The following GRIK4 variants were observed in gnomAD, a reference collection of about 807,000 sequenced individuals.
GRIK4 encodes glutamate ionotropic receptor kainate type subunit 4, also known as glutamate receptor ionotropic, kainate 4.
GRIK4 carries 40 observed loss-of-function variants against 104.9 expected under a neutral mutation model. That is an observed-to-expected ratio of 0.38 (90% CI 0.30 to 0.50). The LOEUF (loss-of-function observed/expected upper bound fraction) is 0.50. GRIK4 is among the 20% of genes least tolerant of loss of function. The pLI is 0.93. For missense variants in GRIK4, 1,047 were observed against 1,308.1 expected (o/e 0.80, Z 3.08); for synonymous variants, 485 against 524.9 (o/e 0.92, Z 1.04).
At chr11:120,926,511 G>A (rs1943348960) in intron 13 of GRIK4, among the ~76,000 whole-genome samples, 1 of 152,142 alleles carries the variant, frequency 6.6e-6, no homozygotes, top group Admixed American at 6.5e-5. Flanking sequence ...TCCAGATGAG[G>A]AAACTGAGGT....
At chr11:120,551,857 A>C (rs1278463656) in intron 1 of GRIK4, among the ~76,000 whole-genome samples, 4 of 152,158 alleles carry the variant, frequency 2.6e-5, no homozygotes, top group Non-Finnish European at 5.9e-5. Flanking sequence ...TCTCCATAAA[A>C]GGCCCAGGAG....
intron 3 of GRIK4, among the ~76,000 whole-genome samples, chr11:120,668,825 T>C (rs1246812557): frequency 6.6e-6 from 1 of 152,246 alleles, no homozygotes; most frequent in Non-Finnish European, 1.5e-5. Context: ...ACATAATTTC[T>C]CAGTGTCTCC....
intron 1 of GRIK4, among the ~76,000 whole-genome samples, chr11:120,647,191 C>G (rs145534100): frequency 1.3e-5 from 2 of 152,308 alleles, no homozygotes; most frequent in East Asian, 3.9e-4. Context: ...TACGCTCCTA[C>G]CCAACGCATA....
intron 11 of GRIK4, among the ~76,000 whole-genome samples, chr11:120,893,571 G>C (rs1942478268): frequency 6.6e-6 from 1 of 152,198 alleles, no homozygotes; most frequent in Non-Finnish European, 1.5e-5. Flanking sequence ...GTGGGAATGG[G>C]ATTAGTATGC....
intron 1 of GRIK4, among the ~76,000 whole-genome samples, chr11:120,546,726 A>G (rs918511819): frequency 2.0e-5 from 3 of 151,948 alleles, no homozygotes; most frequent in Non-Finnish European, 2.9e-5. Flanking sequence ...GTTATTTAGT[A>G]TGTCACTCCC....
intron 1 of GRIK4, among the ~76,000 whole-genome samples, chr11:120,578,319 C>T (rs1591708825): frequency 6.6e-6 from 1 of 152,126 alleles, no homozygotes; most frequent in African/African-American, 2.4e-5. Context: ...GTTACAACAG[C>T]AGTGGGATCC....
chr11:120,773,145 A>T (rs1951978639), intron 3 of GRIK4, among the ~76,000 whole-genome samples: 1 of 152,208 alleles, frequency 6.6e-6, no homozygotes, highest in Non-Finnish European at 1.5e-5. Flanking sequence ...AAACTGGGAC[A>T]TAGAGATTAG....
At chr11:120,740,123 C>T (rs1435969589) in intron 3 of GRIK4, among the ~76,000 whole-genome samples, 1 of 152,208 alleles carries the variant, frequency 6.6e-6, no homozygotes, top group Admixed American at 6.5e-5. Context: ...AGATGTTTGG[C>T]ATCACATAGG....
At chr11:120,554,333 T>C (rs1948167526) in intron 1 of GRIK4, among the ~76,000 whole-genome samples, 3 of 152,352 alleles carry the variant, frequency 2.0e-5, no homozygotes, top group East Asian at 1.9e-4. Context: ...TGAAAGCCCA[T>C]GCAGCATCTC....
At chr11:120,572,353 C>T (rs985029881) in intron 1 of GRIK4, among the ~76,000 whole-genome samples, 2 of 152,202 alleles carry the variant, frequency 1.3e-5, no homozygotes, top group African/African-American at 4.8e-5. Flanking sequence ...TGCCTGGTAG[C>T]GCTTGCCCAG....
At chr11:120,941,987 T>G (rs1207120931) in intron 14 of GRIK4, among the ~76,000 whole-genome samples, 1 of 152,242 alleles carries the variant, frequency 6.6e-6, no homozygotes, top group East Asian at 1.9e-4. Context: ...TTTAAAAACA[T>G]GGGCAAGGCC....
chr11:120,908,329 G>C (rs1189394735), intron 13 of GRIK4, among the ~76,000 whole-genome samples: 1 of 152,154 alleles, frequency 6.6e-6, no homozygotes, highest in Non-Finnish European at 1.5e-5. Flanking sequence ...TACTAGCTGT[G>C]TGTGCTTAAA....
chr11:120,949,099 T>C (rs960564655), intron 14 of GRIK4, among the ~76,000 whole-genome samples: 2 of 152,214 alleles, frequency 1.3e-5, no homozygotes, highest in Admixed American at 6.5e-5. Context: ...CTTCCGAGAA[T>C]GTCATTTCTT....
intron 12 of GRIK4, among the ~76,000 whole-genome samples, chr11:120,904,065 G>A (rs1026704838): frequency 6.6e-6 from 1 of 152,038 alleles, no homozygotes; most frequent in African/African-American, 2.4e-5. Flanking sequence ...CACTCTCTAA[G>A]ACCAGGTTCT....
chr11:120,954,751 A>G (rs1944094822), intron 15 of GRIK4, among the ~76,000 whole-genome samples: 1 of 148,806 alleles, frequency 6.7e-6, no homozygotes, highest in South Asian at 2.3e-4. Context: ...AAATGTGCTA[A>G]AGGGCTAACC....
At chr11:120,971,193 G>A (rs1457741584) in intron 19 of GRIK4, among the ~76,000 whole-genome samples, 1 of 152,142 alleles carries the variant, frequency 6.6e-6, no homozygotes, top group African/African-American at 2.4e-5. Flanking sequence ...TAAGGCTGAA[G>A]GGCTCTTCAA....
chr11:120,537,044 G>A (rs1216634404), intron 1 of GRIK4, among the ~76,000 whole-genome samples: 4 of 152,198 alleles, frequency 2.6e-5, no homozygotes, highest in Non-Finnish European at 5.9e-5. Context: ...CGTTGATAAA[G>A]TCCACAGTTC....
At chr11:120,713,124 C>G (rs1400882062) in intron 3 of GRIK4, among the ~76,000 whole-genome samples, 1 of 152,156 alleles carries the variant, frequency 6.6e-6, no homozygotes, top group East Asian at 1.9e-4. Context: ...GCGTGTGGTT[C>G]TAAAAACAAA....
At chr11:120,599,734 C>T (rs1217938351) in intron 1 of GRIK4, among the ~76,000 whole-genome samples, 3 of 152,214 alleles carry the variant, frequency 2.0e-5, no homozygotes, top group African/African-American at 7.2e-5. Context: ...GGCCTCAGTT[C>T]CAGGTTGCCC....
Sources: allele counts gnomAD v4.1 joint callset (sites outside exome capture counted in the v4.1 genomes callset), GRCh38; gene constraint gnomAD v4.1.1; transcripts MANE v1.5; gene names NCBI Gene and HGNC (gene_info 2026-07-23, HGNC 2026-07-21).